The following NR1H4 variants were observed in gnomAD, a reference collection of about 807,000 sequenced individuals.
NR1H4 encodes bile acid receptor.
NR1H4 carries 23 observed loss-of-function variants against 58.5 expected under a neutral mutation model. The ratio of observed to expected loss-of-function variants is 0.39; its 90% confidence interval spans 0.28 to 0.56. The LOEUF (loss-of-function observed/expected upper bound fraction) is 0.56. NR1H4 is among the 20% of genes least tolerant of loss of function. The probability of loss-of-function intolerance (pLI) is 0.58; values close to 1 mark genes in which losing one functional copy is unlikely to be tolerated. For synonymous variants in NR1H4, 214 were observed against 198.0 expected (o/e 1.08, Z -0.68); for missense variants, 487 against 576.9 (o/e 0.84, Z 1.60).
intron 3 of NR1H4, among the ~76,000 whole-genome samples, chr12:100,500,371 G>A (rs1386616837): frequency 6.6e-6 from 1 of 152,120 alleles, no homozygotes; most frequent in African/African-American, 2.4e-5. Flanking sequence ...AACATTCACA[G>A]TGCTCCCAAA....
intron 9 of NR1H4, among the ~76,000 whole-genome samples, chr12:100,560,383 T>C (rs929508593): frequency 2.7e-5 from 4 of 146,764 alleles, no homozygotes; most frequent in African/African-American, 9.8e-5. Context: ...GGGTCCACGC[T>C]GCTTTTATGA....
At chr12:100,516,936 A>G (rs998174666) in intron 4 of NR1H4, among the ~76,000 whole-genome samples, 16 of 152,196 alleles carry the variant, frequency 1.1e-4, no homozygotes, top group Admixed American at 6.5e-4. Flanking sequence ...GTACATGTTT[A>G]TGGGGTACAA....
At chr12:100,479,791 A>G (rs12320645) in intron 1 of NR1H4, among the ~76,000 whole-genome samples, 27,193 of 152,178 alleles carry the variant, frequency 0.18, 5,063 homozygotes, top group African/African-American at 0.48. Flanking sequence ...TTCCAGCCTC[A>G]CTGGGCTTGT....
chr12:100,553,932 C>T (rs745916559), intron 9 of NR1H4, among the ~76,000 whole-genome samples: 24 of 152,244 alleles, frequency 1.6e-4, no homozygotes, highest in Non-Finnish European at 2.6e-4. Context: ...CCAAATTTCA[C>T]TGCTGTCCCT....
intron 1 of NR1H4, among the ~76,000 whole-genome samples, chr12:100,476,283 G>A (rs1251762889): frequency 1.3e-5 from 2 of 152,132 alleles, no homozygotes; most frequent in African/African-American, 2.4e-5. Context: ...TGACAGGGGT[G>A]ATTTGTTAAA....
At chr12:100,527,888 A>G (rs1036680160) in intron 4 of NR1H4, among the ~76,000 whole-genome samples, 5 of 152,214 alleles carry the variant, frequency 3.3e-5, no homozygotes, top group Admixed American at 6.5e-5. Context: ...AAAAAAAAGA[A>G]AGAGATAATA....
At chr12:100,478,924 T>C (rs1383294503) in intron 1 of NR1H4, among the ~76,000 whole-genome samples, 1 of 152,250 alleles carries the variant, frequency 6.6e-6, no homozygotes, top group Non-Finnish European at 1.5e-5. Context: ...AATTTTTTGA[T>C]AATCTCATAG....
At chr12:100,533,533 A>C (rs1954743795) in intron 5 of NR1H4, among the ~76,000 whole-genome samples, 1 of 152,206 alleles carries the variant, frequency 6.6e-6, no homozygotes, top group Admixed American at 6.5e-5. Flanking sequence ...GTAGCTGATC[A>C]CAATCTCATC....
intron 9 of NR1H4, among the ~76,000 whole-genome samples, chr12:100,552,538 G>A (rs931368680): frequency 2.6e-5 from 4 of 152,084 alleles, no homozygotes; most frequent in African/African-American, 7.2e-5. Flanking sequence ...AAAGAACTAC[G>A]AAAACATACT....
At chr12:100,498,349 G>A (rs74240149) in intron 3 of NR1H4, among the ~76,000 whole-genome samples, 6,540 of 152,216 alleles carry the variant, frequency 0.043, 218 homozygotes, top group East Asian at 0.19. Flanking sequence ...TCAACAATAC[G>A]TAAATAAGGC....
chr12:100,495,461 A>G (rs1365177240), intron 3 of NR1H4, among the ~76,000 whole-genome samples: 1 of 152,104 alleles, frequency 6.6e-6, no homozygotes, highest in Middle Eastern at 3.2e-3. Context: ...GGCTGGGCAT[A>G]GTGGCTCACA....
intron 9 of NR1H4, among the ~76,000 whole-genome samples, chr12:100,556,684 G>C (rs916376019): frequency 2.6e-5 from 4 of 152,136 alleles, no homozygotes; most frequent in Non-Finnish European, 5.9e-5. Flanking sequence ...GTTGGATCAA[G>C]ATTCAGATAA....
At chr12:100,513,185 G>A (rs1211420249) in intron 4 of NR1H4, among the ~76,000 whole-genome samples, 2 of 152,068 alleles carry the variant, frequency 1.3e-5, no homozygotes, top group Non-Finnish European at 2.9e-5. Context: ...TACCTATATT[G>A]CTACTCATAG....
intron 8 of NR1H4, 29 bp from the exon 9 acceptor site, chr12:100,540,643 A>G: frequency 6.2e-7 from 1 of 1,610,536 alleles, no homozygotes; most frequent in Non-Finnish European, 8.5e-7. Flanking sequence ...TTACTCCTTG[A>G]TACCAATTTG....
chr12:100,544,948 C>T (rs1012268546), intron 9 of NR1H4, among the ~76,000 whole-genome samples: 2 of 152,136 alleles, frequency 1.3e-5, no homozygotes, highest in Non-Finnish European at 2.9e-5. Context: ...CTCTCCTCCT[C>T]CTCCTCAAAG....
intron 3 of NR1H4, among the ~76,000 whole-genome samples, chr12:100,497,203 C>T (rs1953734638): frequency 1.3e-5 from 2 of 152,110 alleles, no homozygotes; most frequent in African/African-American, 4.8e-5. Flanking sequence ...CCCTCGGCTC[C>T]CGTTGGTTGA....
chr12:100,542,961 G>A (rs1322694046), intron 9 of NR1H4, among the ~76,000 whole-genome samples: 2 of 152,082 alleles, frequency 1.3e-5, no homozygotes, highest in African/African-American at 2.4e-5. Context: ...CCCCTAAGAA[G>A]CTTACAGTCT....
intron 4 of NR1H4, among the ~76,000 whole-genome samples, chr12:100,518,067 G>A (rs1316853077): frequency 1.3e-5 from 2 of 152,198 alleles, no homozygotes; most frequent in Non-Finnish European, 2.9e-5. Flanking sequence ...CTAAGCCAAG[G>A]GAATGAATCC....
chr12:100,548,767 T>C (rs1955139452), intron 9 of NR1H4, among the ~76,000 whole-genome samples: 1 of 152,154 alleles, frequency 6.6e-6, no homozygotes, highest in African/African-American at 2.4e-5. Flanking sequence ...AGGGGAAATA[T>C]ATTTGAAAAG....
Sources: gnomAD v4.1 joint callset for allele counts (sites outside exome capture counted in the v4.1 genomes callset) on GRCh38, gnomAD v4.1.1 for gene constraint, MANE v1.5 for transcripts, NCBI Gene and HGNC (gene_info 2026-07-23, HGNC 2026-07-21) for gene names.